The following PTPRD variants were observed in gnomAD, a reference collection of about 807,000 sequenced individuals.
The protein encoded by PTPRD is protein tyrosine phosphatase receptor type D.
Under a neutral mutation model 214.5 loss-of-function variants are expected in PTPRD, and 34 were observed. The ratio of observed to expected loss-of-function variants is 0.16; its 90% confidence interval spans 0.12 to 0.21. PTPRD has a LOEUF of 0.21. PTPRD is among the 10% of genes least tolerant of loss of function. The pLI is 1.00. For missense variants in PTPRD, 2,545 were observed against 2,398.7 expected (o/e 1.06, Z -1.27); for synonymous variants, 1,128 against 845.7 (o/e 1.33, Z -5.79).
In PTPRD at chr9:9,487,918, T is replaced by C. The variant is rs1436528371; in HGVS notation, c.-237+86814A>G. ...GGAAAATGCACATGTACTTCATGAA[T>C]TGAAAGATAATGAGTTCTTGTCAAA... On this transcript the variant is annotated intron_variant, in intron 8 of 45. Transcript: ENST00000381196. Among the ~76,000 whole-genome samples, 3 of 152,298 alleles carry C rather than the reference T, an allele frequency of 2.0e-5. No homozygotes were observed. In the East Asian group the frequency reaches 5.8e-4, roughly 29 times the overall value.
chr9:8,361,359 G>C (rs751586917), intron 39 of PTPRD, among the ~76,000 whole-genome samples: 2 of 152,168 alleles, frequency 1.3e-5, no homozygotes, highest in African/African-American at 4.8e-5. Context: ...AAGACTGCAA[G>C]CCAAATGTTG....
At chr9:10,309,716 C>G (rs553075685) in intron 3 of PTPRD, among the ~76,000 whole-genome samples, 1 of 151,964 alleles carries the variant, frequency 6.6e-6, no homozygotes, top group East Asian at 1.9e-4. Context: ...ACAATCAACA[C>G]TATCCTCTCT....
chr9:8,752,789 T>C (rs1356039787), intron 11 of PTPRD, among the ~76,000 whole-genome samples: 1 of 151,914 alleles, frequency 6.6e-6, no homozygotes, highest in African/African-American at 2.4e-5. Context: ...ATCATGATCA[T>C]CTAAGCTGGG....
chr9:9,649,028 C>G (rs1017824197), intron 7 of PTPRD, among the ~76,000 whole-genome samples: 1 of 152,072 alleles, frequency 6.6e-6, no homozygotes, highest in Non-Finnish European at 1.5e-5. Context: ...GTGTTGAGGC[C>G]TCAGTTTCCC....
chr9:8,876,769 T>C (rs1339789590), intron 11 of PTPRD, among the ~76,000 whole-genome samples: 1 of 152,216 alleles, frequency 6.6e-6, no homozygotes, highest in Non-Finnish European at 1.5e-5. Flanking sequence ...GTTTTCCATA[T>C]TTGAATTAAA....
At chr9:10,147,092 T>C (rs921288656) in intron 3 of PTPRD, among the ~76,000 whole-genome samples, 1 of 152,118 alleles carries the variant, frequency 6.6e-6, no homozygotes, top group Non-Finnish European at 1.5e-5. Context: ...ACTAAACCAG[T>C]TACTTACAGG....
chr9:10,570,461 G>T (rs1393354438), intron 2 of PTPRD, among the ~76,000 whole-genome samples: 1 of 152,010 alleles, frequency 6.6e-6, no homozygotes, highest in Non-Finnish European at 1.5e-5. Context: ...GATATTGAAA[G>T]GACAGATATT....
chr9:9,157,813 C>G (rs1189548809), intron 10 of PTPRD, among the ~76,000 whole-genome samples: 2 of 152,124 alleles, frequency 1.3e-5, no homozygotes, highest in Non-Finnish European at 2.9e-5. Flanking sequence ...CACAGATCAT[C>G]CCATTACCCA....
intron 7 of PTPRD, among the ~76,000 whole-genome samples, chr9:9,581,823 G>A (rs938471486): frequency 1.3e-5 from 2 of 152,024 alleles, no homozygotes; most frequent in African/African-American, 4.8e-5. Context: ...GAATACAATG[G>A]TATATAATGC....
At chr9:9,786,366 T>C (rs1457260183) in intron 5 of PTPRD, among the ~76,000 whole-genome samples, 1 of 152,234 alleles carries the variant, frequency 6.6e-6, no homozygotes, top group Non-Finnish European at 1.5e-5. Flanking sequence ...AAAACTTTAT[T>C]AGCATCGAGA....
Position 9,578,045 on chromosome 9 carries a change from C to CAAAAAAAA in PTPRD, c.-286-3272_-286-3265dup, listed in dbSNP as rs34128512. Among the ~76,000 whole-genome samples, 3 of 102,392 alleles carry CAAAAAAAA rather than the reference C, an allele frequency of 2.9e-5. 1 individual carries two copies. The highest frequency in any genetic ancestry group is 7.7e-5 in the African/African-American group (2 of 26,122). 67.2% of individuals were successfully genotyped at this position (102,392 alleles called of 152,430 possible). ...TTGGTGACAGAGTAAGACTCTGTCTCAAAAAAAAAAAAAAAAAAAAAAAAA... is the reference window on the plus strand; with the variant it reads ...TTGGTGACAGAGTAAGACTCTGTCTCAAAAAAAAAAAAAAAAAAAAAAAAAAAAAAAAA... On this transcript the variant is annotated intron_variant, in intron 7 of 45. Coordinates refer to ENST00000381196, the MANE Select transcript of PTPRD (RefSeq NM_002839.4).
intron 12 of PTPRD, among the ~76,000 whole-genome samples, chr9:8,649,140 C>T (rs2096754279): frequency 1.3e-5 from 2 of 152,204 alleles, no homozygotes; most frequent in Non-Finnish European, 2.9e-5. Context: ...TATCCTGCCA[C>T]TTCTTCTATA....
At chr9:10,267,909 A>G (rs2094172130) in intron 3 of PTPRD, among the ~76,000 whole-genome samples, 1 of 152,142 alleles carries the variant, frequency 6.6e-6, no homozygotes, top group Non-Finnish European at 1.5e-5. Flanking sequence ...ACACATATCT[A>G]ATGATCTTGT....
chr9:9,121,321 G>C (rs1012429564), intron 10 of PTPRD, among the ~76,000 whole-genome samples: 2 of 152,166 alleles, frequency 1.3e-5, no homozygotes, highest in Admixed American at 1.3e-4. Flanking sequence ...TGACACTACT[G>C]GGTATCTACC....
chr9:10,302,040 A>G (rs1463426120), intron 3 of PTPRD, among the ~76,000 whole-genome samples: 1 of 152,208 alleles, frequency 6.6e-6, no homozygotes, highest in Non-Finnish European at 1.5e-5. Flanking sequence ...GGTTACCCAC[A>G]AAGGGAAGCC....
chr9:8,374,887 C>A (rs1203831404), intron 39 of PTPRD, among the ~76,000 whole-genome samples: 1 of 151,810 alleles, frequency 6.6e-6, no homozygotes, highest in African/African-American at 2.4e-5. Flanking sequence ...TTCTGATCAG[C>A]CCGTTGACCC....
intron 43 of PTPRD, among the ~76,000 whole-genome samples, chr9:8,332,161 T>G (rs1842079717): frequency 6.6e-6 from 1 of 152,196 alleles, no homozygotes; most frequent in Non-Finnish European, 1.5e-5. Flanking sequence ...AATTACTTTG[T>G]AATAAATATT....
chr9:9,305,700 G>A (rs961806498), intron 9 of PTPRD, among the ~76,000 whole-genome samples: 5 of 152,100 alleles, frequency 3.3e-5, no homozygotes, highest in Admixed American at 6.6e-5. Context: ...TCTAAATCCA[G>A]TGATTAGTGT....
chr9:9,195,092 A>G (rs889453981), intron 9 of PTPRD, among the ~76,000 whole-genome samples: 212 of 127,740 alleles, frequency 1.7e-3, no homozygotes, highest in African/African-American at 5.0e-3. Context: ...TTGTGTATAT[A>G]TATATATATA....
Sources: allele counts gnomAD v4.1 joint callset (sites outside exome capture counted in the v4.1 genomes callset), GRCh38; gene constraint gnomAD v4.1.1; transcripts MANE v1.5; gene names NCBI Gene and HGNC (gene_info 2026-07-23, HGNC 2026-07-21).